Variants in KCTD17 observed in about 807,000 individuals in gnomAD.
KCTD17 encodes potassium channel tetramerization domain containing 17, also known as BTB/POZ domain-containing protein KCTD17.
Under a neutral mutation model 41.5 loss-of-function variants are expected in KCTD17, and 20 were observed. The observed-to-expected ratio is 0.48, with a 90% CI of 0.34 to 0.70. The LOEUF (loss-of-function observed/expected upper bound fraction) is 0.70. KCTD17 is among the 30% of genes least tolerant of loss of function. The probability of loss-of-function intolerance (pLI) is 0.01; values close to 1 mark genes in which losing one functional copy is unlikely to be tolerated. For missense variants in KCTD17, 317 were observed against 427.2 expected (o/e 0.74, Z 2.27); for synonymous variants, 156 against 173.8 (o/e 0.90, Z 0.80).
intron 2 of KCTD17, among the ~76,000 whole-genome samples, chr22:37,056,035 T>A (rs1925063140): frequency 6.6e-6 from 1 of 152,220 alleles, no homozygotes; most frequent in African/African-American, 2.4e-5. Context: ...CTGCTGTCTC[T>A]TGATAGCCCT....
chr22:37,061,284 A>G lies in KCTD17; in HGVS notation c.784+109A>G, dbSNP rs1394932451. ...TTTCTCTCTGCCTGCTCACGCCTCC[A>G]TCCCGGGTCTGCCCTGGTCCCAGCC... On this transcript the variant is annotated intron_variant, in intron 7 of 8. Coordinates refer to ENST00000403888, the MANE Select transcript of KCTD17 (RefSeq NM_001282684.2). The surrounding 1 kb of genome is among the most constrained non-coding windows in gnomAD (Gnocchi z 6.6). The G allele has an allele frequency of 4.6e-6, 7 of 1,533,752 alleles. No homozygotes were observed. The highest frequency in any genetic ancestry group is 5.2e-6 in the Non-Finnish European group (6 of 1,143,454).
chr22:37,051,981 G>T, intron 1 of KCTD17, 32 bp downstream of exon 1: 2 of 1,402,930 alleles, frequency 1.4e-6, no homozygotes, highest in Non-Finnish European at 1.9e-6. Flanking sequence ...GCGAGCGGGC[G>T]GTGGGTCCTC....
rs1568987290 is a variant in KCTD17 at position 37,061,173 on chromosome 22, G to C, written c.782G>C (p.Gly261Ala). Residue 261 changes from glycine to alanine, a missense_variant and splice_region_variant, in exon 7 of 9, where the codon GGA (glycine) becomes GCA (alanine). Gly to Ala is a moderately conservative substitution (Grantham distance 60, BLOSUM62 0). This residue lies in a region of KCTD17 where 177 missense variants were observed against 194.4 expected (regional missense o/e 0.91). Transcript: ENST00000403888. The surrounding 1 kb of genome is among the most constrained non-coding windows in gnomAD (Gnocchi z 6.6). Reference sequence around the variant, plus strand: ...CTGCCTCCTCCTCCGCTTCCCGCTGGAGGTCCTGCCTCATCTTCATCCACC... The same window carrying C: ...CTGCCTCCTCCTCCGCTTCCCGCTGCAGGTCCTGCCTCATCTTCATCCACC... ...PPLPPPPLPAGGSRPHPLRPE... is the reference protein window; with the variant it reads ...PPLPPPPLPAAGSRPHPLRPE... The C allele has an allele frequency of 6.4e-7, 1 of 1,550,860 alleles. No homozygotes were observed. The highest frequency in any genetic ancestry group is 2.4e-5 in the East Asian group (1 of 40,894).
At chr22:37,052,083 A>C in intron 1 of KCTD17, 134 bp downstream of exon 1, 19 of 865,024 alleles carry the variant, frequency 2.2e-5, no homozygotes, top group East Asian at 4.6e-5. Context: ...GGCGGGAAGA[A>C]GCGGCAGGAG....
At position 37,057,384 on chromosome 22, in the gene KCTD17, CCTTCT is replaced by C; in HGVS notation, c.391-13_391-9del. 1 of 1,611,680 alleles carries C rather than the reference CCTTCT, an allele frequency of 6.2e-7. No homozygotes were observed. The highest frequency in any genetic ancestry group is 8.5e-7 in the Non-Finnish European group (1 of 1,178,014). On this transcript the variant is annotated splice_polypyrimidine_tract_variant and intron_variant, in intron 3 of 8. Transcript: ENST00000403888. ...CTCCCACAGGTGCCCTCTATGTGAC[CCTTCT>C]GCCCACAGGTCCCACCCAAGCACGT...
At chr22:37,056,292 G>C (rs1055695031) in intron 2 of KCTD17, 28 bp from the exon 3 acceptor site, 2 of 1,597,662 alleles carry the variant, frequency 1.3e-6, no homozygotes, top group African/African-American at 1.3e-5. Context: ...CAGAAGGAGT[G>C]ACCTGGGATC....
chr22:37,058,800 G>A (rs1314885602), intron 4 of KCTD17, among the ~76,000 whole-genome samples: 4 of 152,220 alleles, frequency 2.6e-5, no homozygotes, highest in Non-Finnish European at 5.9e-5. Flanking sequence ...AGCAGGCCAG[G>A]GACCATTGGT....
Position 37,061,157 on chromosome 22 carries a change from C to T in KCTD17, c.766C>T (p.Pro256Ser), listed in dbSNP as rs1468406083. 6.4e-7 allele frequency: 1 copy of T among 1,551,206 alleles called. No homozygotes were observed. The highest frequency in any genetic ancestry group is 8.7e-7 in the Non-Finnish European group (1 of 1,146,934). The stretch of plus-strand genomic sequence containing the variant: ...TTTCTCCCTCCCACCACTGCCTCCT[C>T]CTCCGCTTCCCGCTGGAGGTCCTGC... ...NLFSLPPLPP[P>S]PLPAGGSRPH... Residue 256 changes from proline (P) to serine (S), a missense_variant, in exon 7 of 9, where the codon CCT becomes TCT. This residue lies in a region of KCTD17 where 177 missense variants were observed against 194.4 expected (regional missense o/e 0.91). Coordinates refer to ENST00000403888, the MANE Select transcript of KCTD17 (RefSeq NM_001282684.2). The surrounding 1 kb of genome is among the most constrained non-coding windows in gnomAD (Gnocchi z 6.6).
At chr22:37,055,183 C>G (rs1924957674) in intron 2 of KCTD17, 1 of 152,330 alleles carries the variant, frequency 6.6e-6, no homozygotes, top group African/African-American at 2.4e-5. Context: ...CGGTCCTCCT[C>G]TATCGGGGGT....
chr22:37,061,150 G>T lies in KCTD17; in HGVS notation c.759G>T (p.Leu253=). The T allele has an allele frequency of 6.4e-7, 1 of 1,551,090 alleles. No homozygotes were observed. Among genetic ancestry groups the T allele is most frequent in the Non-Finnish European group, 8.7e-7 (1 of 1,146,908 alleles). Residue 253 remains leucine (L), a synonymous_variant, in exon 7 of 9, where the codon CTG becomes CTT. Coordinates refer to ENST00000403888, the MANE Select transcript of KCTD17 (RefSeq NM_001282684.2). This position sits in a 1 kb window ranked among gnomAD's most constrained non-coding sequence, Gnocchi z 6.6. ...DPANLFSLPP[L]PPPPLPAGGS... Reference sequence around the variant, plus strand: ...CTAACCTTTTCTCCCTCCCACCACTGCCTCCTCCTCCGCTTCCCGCTGGAG... The same window carrying T: ...CTAACCTTTTCTCCCTCCCACCACTTCCTCCTCCTCCGCTTCCCGCTGGAG...
Position 37,062,724 on chromosome 22 carries a change from C to A in KCTD17, c.*130C>A, listed in dbSNP as rs1271035317. 4.7e-6 allele frequency: 7 copies of A among 1,492,282 alleles called. No individual in the cohort carries two copies. The highest frequency in any genetic ancestry group is 6.2e-6 in the Non-Finnish European group (7 of 1,123,206). 92.4% of individuals were successfully genotyped at this position (1,492,282 alleles called of 1,614,324 possible). On this transcript the variant is annotated 3_prime_UTR_variant, in exon 9 of 9. Coordinates refer to ENST00000403888, the MANE Select transcript of KCTD17 (RefSeq NM_001282684.2). Reference sequence around the variant, plus strand: ...TGCCTCCAGGGGCGGGGCGGGGCCCCCCTGGGACCTCTTAAGGCCCAAGGT... The same window carrying A: ...TGCCTCCAGGGGCGGGGCGGGGCCCACCTGGGACCTCTTAAGGCCCAAGGT...
At chr22:37,060,098 G>A (rs1925597216) in intron 5 of KCTD17, among the ~76,000 whole-genome samples, 1 of 152,212 alleles carries the variant, frequency 6.6e-6, no homozygotes, top group Non-Finnish European at 1.5e-5. Flanking sequence ...GGAGAGGGCT[G>A]AGCGGGGGTC....
At position 37,053,388 on chromosome 22, in the gene KCTD17, A is replaced by C. The variant is rs979509989; in HGVS notation, c.298+180A>C. Among the ~76,000 whole-genome samples, 1 of 152,238 alleles carries C rather than the reference A, an allele frequency of 6.6e-6. No homozygotes were observed. Among genetic ancestry groups the C allele is most frequent in the African/African-American group, 2.4e-5 (1 of 41,462 alleles). ...CCTGTGCCGAGCCTGGGGCTCTGCC[A>C]AGCGGACGGGCTCAAGCTTTCCCTG... On this transcript the variant is annotated intron_variant, in intron 2 of 8. Coordinates refer to ENST00000403888, the MANE Select transcript of KCTD17 (RefSeq NM_001282684.2). The surrounding 1 kb of genome is among the most constrained non-coding windows in gnomAD (Gnocchi z 4.1).
chr22:37,051,995 T>C, intron 1 of KCTD17, 46 bp downstream of exon 1: 1 of 1,337,786 alleles, frequency 7.5e-7, no homozygotes, highest in Admixed American at 3.1e-5. Flanking sequence ...GGTCCTCCGC[T>C]CGCCCGACGC....
chr22:37,057,356 G>C (rs747922184), intron 3 of KCTD17, 42 bp from the exon 4 acceptor site: 1 of 1,531,066 alleles, frequency 6.5e-7, no homozygotes, highest in South Asian at 1.1e-5. Flanking sequence ...GGGGTGCCTG[G>C]TGCTCCCACA....
intron 5 of KCTD17, among the ~76,000 whole-genome samples, chr22:37,059,736 C>T (rs538840421): frequency 6.6e-6 from 1 of 152,322 alleles, no homozygotes; most frequent in Admixed American, 6.5e-5. Flanking sequence ...GGGGTCAGGG[C>T]ACAGTGTGGC....
intron 2 of KCTD17, among the ~76,000 whole-genome samples, chr22:37,054,859 G>A (rs987365023): frequency 2.0e-5 from 3 of 152,160 alleles, no homozygotes; most frequent in Non-Finnish European, 4.4e-5. Context: ...TGTGGGCACC[G>A]GGGACAGAGG....
At chr22:37,052,104 G>T in intron 1 of KCTD17, 155 bp downstream of exon 1, 1 of 961,158 alleles carries the variant, frequency 1.0e-6, no homozygotes, top group Non-Finnish European at 1.4e-6. Context: ...GAGGGGAGGG[G>T]GAGGTGGGTC....
At chr22:37,057,595 C>T (rs2145978530) in intron 4 of KCTD17, 102 bp downstream of exon 4, 1 of 859,878 alleles carries the variant, frequency 1.2e-6, no homozygotes, top group Non-Finnish European at 1.9e-6. Context: ...TTGGGTTCCC[C>T]ACCACAGTCT....
Sources: gnomAD v4.1 joint callset for allele counts (sites outside exome capture counted in the v4.1 genomes callset) on GRCh38, gnomAD v4.1.1 for gene constraint, gnomAD v4.1.1 regional missense constraint, Gnocchi (gnomAD v3.1) non-coding constraint, MANE v1.5 for transcripts, NCBI Gene and HGNC (gene_info 2026-07-23, HGNC 2026-07-21) for gene names.